AKR1C4: variants seen among roughly 807,000 people sequenced by gnomAD.
AKR1C4 encodes the protein 3-alpha-HSD1.
AKR1C4 carries 44 observed loss-of-function variants against 41.0 expected under a neutral mutation model. The observed-to-expected ratio is 1.07, with a 90% CI of 0.84 to 1.38. The LOEUF (loss-of-function observed/expected upper bound fraction) is 1.38. Among genes scored for constraint, AKR1C4 ranks in the 40% most tolerant of loss-of-function variants. The pLI is 0.00. For synonymous variants in AKR1C4, 165 were observed against 137.7 expected (o/e 1.20, Z -1.39); for missense variants, 438 against 387.9 (o/e 1.13, Z -1.09).
intron 8 of AKR1C4, among the ~76,000 whole-genome samples, chr10:5,217,682 C>T (rs1554798667): frequency 6.6e-6 from 1 of 152,208 alleles, no homozygotes. Flanking sequence ...ATCCCTTGAA[C>T]CCGGGAAGCA....
intron 2 of AKR1C4, among the ~76,000 whole-genome samples, chr10:5,201,195 T>G (rs1554796903): frequency 6.6e-6 from 1 of 152,192 alleles, no homozygotes; most frequent in Admixed American, 6.5e-5. Flanking sequence ...CTGTTTTCCA[T>G]AAAGATTACA....
chr10:5,203,203 C>T (rs1554797112), intron 2 of AKR1C4, among the ~76,000 whole-genome samples: 2 of 152,102 alleles, frequency 1.3e-5, no homozygotes, highest in African/African-American at 4.8e-5. Context: ...CTGCAGCACA[C>T]TTCCTGCTTT....
chr10:5,212,005 A>G (rs1832582763), intron 5 of AKR1C4, among the ~76,000 whole-genome samples: 1 of 152,110 alleles, frequency 6.6e-6, no homozygotes, highest in Non-Finnish European at 1.5e-5. Context: ...TGATTCAATT[A>G]TCTCCCCTGG....
chr10:5,203,338 C>T (rs1298485374), intron 2 of AKR1C4, among the ~76,000 whole-genome samples: 3 of 152,180 alleles, frequency 2.0e-5, no homozygotes, highest in African/African-American at 4.8e-5. Flanking sequence ...AGTTGGCTGA[C>T]TTTGCTGATG....
At chr10:5,205,009 A>ACTTT (rs1832463291) in intron 3 of AKR1C4, among the ~76,000 whole-genome samples, 1 of 152,224 alleles carries the variant, frequency 6.6e-6, no homozygotes, top group Non-Finnish European at 1.5e-5. Context: ...TTGCCTAGTC[A>ACTTT]TGAATTTCGG....
At chr10:5,206,166 A>G (rs1055241249) in intron 4 of AKR1C4, 109 bp from the exon 5 acceptor site, 66 of 1,543,390 alleles carry the variant, frequency 4.3e-5, no homozygotes, top group Non-Finnish European at 4.8e-5. Context: ...AATCACTGCT[A>G]TTTTCATTGT....
intron 5 of AKR1C4, among the ~76,000 whole-genome samples, chr10:5,209,217 G>T (rs1006669623): frequency 2.0e-5 from 3 of 152,058 alleles, no homozygotes; most frequent in Non-Finnish European, 4.4e-5. Context: ...TGTAATTACT[G>T]GTAATCTGCT....
chr10:5,210,267 T>C (rs782693648), intron 5 of AKR1C4, among the ~76,000 whole-genome samples: 2 of 152,218 alleles, frequency 1.3e-5, no homozygotes, highest in Admixed American at 6.5e-5. Flanking sequence ...GTGGTTCCTA[T>C]GTTCTTGGGC....
intron 7 of AKR1C4, among the ~76,000 whole-genome samples, chr10:5,215,311 G>T (rs1324700461): frequency 6.6e-6 from 1 of 152,162 alleles, no homozygotes; most frequent in Non-Finnish European, 1.5e-5. Context: ...AGGTGTTTGT[G>T]TCATGGGGGC....
chr10:5,216,764 C>T lies in AKR1C4; in HGVS notation c.900C>T (p.Asn300=). Residue 300 remains asparagine (N), a synonymous_variant, in exon 8 of 9, where the codon AAC becomes AAT. Transcript: ENST00000263126. ...ATATGAAAGTTCTAGATGGTCTAAA[C>T]AGAAATTATCGATATGTTGTCATGG... The part of the protein sequence containing the change: ...SEDMKVLDGL[N]RNYRYVVMDF... 3.7e-6 allele frequency: 6 copies of T among 1,611,810 alleles called. No homozygotes were observed. In the South Asian group the frequency reaches 5.5e-5, roughly 15 times the overall value.
In AKR1C4 at chr10:5,202,020, T is replaced by C. The variant is rs1314188215; in HGVS notation, c.252+1672T>C. On this transcript the variant is annotated intron_variant, in intron 2 of 8. Transcript: ENST00000263126. The stretch of plus-strand genomic sequence containing the variant: ...TATAACTATAGTCATGTAGTATAAT[T>C]TGAAGTCTGGTAATGAAATACCTCC... Among the ~76,000 whole-genome samples the C allele has an allele frequency of 3.3e-5, 5 of 152,238 alleles. 1 individual carries two copies. The highest frequency in any genetic ancestry group is 5.9e-5 in the Non-Finnish European group (4 of 68,032).
intron 7 of AKR1C4, among the ~76,000 whole-genome samples, chr10:5,215,066 G>A (rs782057116): frequency 6.6e-6 from 1 of 152,160 alleles, no homozygotes; most frequent in Non-Finnish European, 1.5e-5. Flanking sequence ...TACATCTGAT[G>A]TGAAACTGTA....
chr10:5,198,289 A>C (rs1196225111), intron 1 of AKR1C4, among the ~76,000 whole-genome samples: 1 of 152,176 alleles, frequency 6.6e-6, no homozygotes, highest in African/African-American at 2.4e-5. Flanking sequence ...GCTGTGTAGA[A>C]AGGAGTTAAC....
At chr10:5,210,016 C>T (rs140875137) in intron 5 of AKR1C4, among the ~76,000 whole-genome samples, 143 of 152,302 alleles carry the variant, frequency 9.4e-4, no homozygotes, top group Middle Eastern at 3.4e-3. Flanking sequence ...TCCCTTCCAC[C>T]TATAAGCCTG....
At chr10:5,212,115 A>C (rs539931771) in intron 5 of AKR1C4, among the ~76,000 whole-genome samples, 1 of 152,354 alleles carries the variant, frequency 6.6e-6, no homozygotes, top group Non-Finnish European at 1.5e-5. Flanking sequence ...GAAGGCAAAT[A>C]CTTTTGATCA....
chr10:5,217,101 A>T (rs1380444575), intron 8 of AKR1C4, among the ~76,000 whole-genome samples: 1 of 152,258 alleles, frequency 6.6e-6, no homozygotes, highest in African/African-American at 2.4e-5. Context: ...GCCGTGGCCT[A>T]GTGGACAGTA....
At chr10:5,204,651 T>A (rs542946970) in intron 3 of AKR1C4, 158 bp downstream of exon 3, 1 of 765,750 alleles carries the variant, frequency 1.3e-6, no homozygotes, top group South Asian at 1.4e-5. Context: ...AGTACAACCT[T>A]CCTTCTGTAA....
chr10:5,214,214 C>A (rs1832620206), intron 7 of AKR1C4, among the ~76,000 whole-genome samples: 1 of 152,072 alleles, frequency 6.6e-6, no homozygotes, highest in Admixed American at 6.6e-5. Context: ...ATTGAAAAGT[C>A]CATATTTGCT....
intron 5 of AKR1C4, among the ~76,000 whole-genome samples, chr10:5,211,997 A>T (rs1554797971): frequency 6.6e-6 from 1 of 152,152 alleles, no homozygotes; most frequent in African/African-American, 2.4e-5. Flanking sequence ...CATTCCCATG[A>T]TTCAATTATC....
Sources: allele counts gnomAD v4.1 joint callset (sites outside exome capture counted in the v4.1 genomes callset), GRCh38; gene constraint gnomAD v4.1.1; transcripts MANE v1.5; gene names NCBI Gene and HGNC (gene_info 2026-07-23, HGNC 2026-07-21).